Variants in MARCKS observed in about 807,000 individuals in gnomAD.
MARCKS encodes myristoylated alanine-rich C-kinase substrate.
In MARCKS, 4 loss-of-function variants were observed where a neutral mutation model predicts 6.3. The observed-to-expected ratio is 0.63, with a 90% CI of 0.31 to 1.45. The LOEUF (loss-of-function observed/expected upper bound fraction) is 1.45. Among genes scored for constraint, MARCKS ranks in the 40% most tolerant of loss-of-function variants. MARCKS has a pLI of 0.07. For missense variants in MARCKS, 636 were observed against 485.7 expected, an observed-to-expected ratio of 1.31 and a Z score of -2.91; for synonymous variants, 289 against 236.5, an observed-to-expected ratio of 1.22 and a Z score of -2.04.
rs1234428647 is a variant in MARCKS, at chr6:113,861,748, G to A, written c.*1169G>A. The stretch of plus-strand genomic sequence containing the variant: ...TTGCTATTAAACTCCTGCTTAAGGT[G>A]TTCTAATTTTCTGTGAGCACACTAA... On this transcript the variant is annotated 3_prime_UTR_variant, in exon 2 of 2. Transcript: ENST00000612661. 1 of 152,578 alleles carries A rather than the reference G, an allele frequency of 6.6e-6. No individual in the cohort carries two copies. The highest frequency in any genetic ancestry group is 1.5e-5 in the Non-Finnish European group (1 of 67,992). 9.5% of individuals were successfully genotyped at this position (152,578 alleles called of 1,614,324 possible).
rs1774870351 is a variant in MARCKS, at chr6:113,860,242, A to AGGCGGCAGCGGGCGAGGAGGG, written c.669_689dup (p.Ala224_Ala230dup). 6.5e-6 allele frequency: 7 copies of AGGCGGCAGCGGGCGAGGAGGG among 1,077,144 alleles called. No homozygotes were observed. In the Admixed American group the frequency reaches 2.8e-4, roughly 43 times the overall value. The allele number at this position is 1,077,144 out of a possible 1,614,324, so 66.7% of individuals were successfully genotyped here. On this transcript the variant is annotated inframe_insertion, in exon 2 of 2. Transcript: ENST00000612661. The stretch of plus-strand genomic sequence containing the variant: ...GAGCAGGCAGCGGCGCCGGGCGAGG[A>AGGCGGCAGCGGGCGAGGAGGG]GGCGGCAGCGGGCGAGGAGGGGGCG...
At chr6:113,859,554 G>C (rs1048668240) in intron 1 of MARCKS, 129 bp from the exon 2 acceptor site, 2 of 777,304 alleles carry the variant, frequency 2.6e-6, no homozygotes, top group African/African-American at 1.8e-5. Context: ...TCCCCACAAC[G>C]GCGGGGGTGG....
In MARCKS at chr6:113,859,979, T is replaced by G. The variant is rs976958760; in HGVS notation, c.399T>G (p.Thr133=). 5.8e-6 allele frequency: 9 copies of G among 1,544,592 alleles called. No individual in the cohort carries two copies. In the African/African-American group the frequency reaches 1.3e-4, roughly 22 times the overall value. The change falls in exon 2 of 2, where the codon ACT becomes ACG. Residue 133 remains threonine, a synonymous_variant. Coordinates refer to ENST00000612661, the MANE Select transcript of MARCKS (RefSeq NM_002356.7). The stretch of plus-strand genomic sequence containing the variant: ...AGGCCGCGTCGGCCGCCTCCTCGAC[T>G]TCTTCGCCCAAGGCCGAGGACGGGG... ...EGEAASAASS[T]SSPKAEDGAT...
rs1010163311 is a variant in MARCKS at position 113,863,421 on chromosome 6, T to C, written c.*2842T>C. 3 of 152,300 alleles carry C rather than the reference T, an allele frequency of 2.0e-5. No individual in the cohort carries two copies. The highest frequency in any genetic ancestry group is 4.4e-5 in the Non-Finnish European group (3 of 68,012). The allele number at this position is 152,300 out of a possible 1,614,324, so 9.4% of individuals were successfully genotyped here. ...TACTTCCTCTGGGTTATAATAATCA[T>C]TTGATCCAATTCCTATTGCTTGTAA... is the stretch of plus-strand genomic sequence containing the variant. On this transcript the variant is annotated 3_prime_UTR_variant, in exon 2 of 2. Transcript: ENST00000612661.
rs1048616485 is a variant in MARCKS, at chr6:113,863,177, G to A, written c.*2598G>A. The A allele has an allele frequency of 5.9e-5, 9 of 152,076 alleles. No individual in the cohort carries two copies. The highest frequency in any genetic ancestry group is 2.2e-4 in the African/African-American group (9 of 41,388). 9.4% of individuals were successfully genotyped at this position (152,076 alleles called of 1,614,324 possible). A position where few individuals can be genotyped will look rare whatever the true frequency, so the allele number is the denominator to read the frequency against. ...TTTGGGTGGTATTGATGGAGTTGGT[G>A]GATTTTCCTCCAAGTGATTAAATGA... On this transcript the variant is annotated 3_prime_UTR_variant, in exon 2 of 2. Transcript: ENST00000612661.
At position 113,860,166 on chromosome 6, in the gene MARCKS, G is replaced by C; in HGVS notation, c.586G>C (p.Ala196Pro). ...APAAEGGKDE[A>P]AGGAAAAAAE... ...CGCTGCCGAAGGCGGCAAGGACGAG[G>C]CCGCCGGGGGCGCAGCTGCGGCCGC... The change falls in exon 2 of 2, where the codon GCC becomes CCC. Residue 196 changes from alanine to proline, a missense_variant. Ala to Pro is a conservative substitution (Grantham distance 27). Coordinates refer to ENST00000612661, the MANE Select transcript of MARCKS (RefSeq NM_002356.7). 7.5e-7 allele frequency: 1 copy of C among 1,335,328 alleles called. No individual in the cohort carries two copies. The highest frequency in any genetic ancestry group is 9.7e-7 in the Non-Finnish European group (1 of 1,035,634). 82.7% of individuals were successfully genotyped at this position (1,335,328 alleles called of 1,614,324 possible).
rs1231060704 is a variant in MARCKS, at chr6:113,862,150, C to T, written c.*1571C>T. The T allele has an allele frequency of 6.6e-6, 1 of 152,052 alleles. No individual in the cohort carries two copies. The highest frequency in any genetic ancestry group is 2.4e-5 in the African/African-American group (1 of 41,412). 9.4% of individuals were successfully genotyped at this position (152,052 alleles called of 1,614,324 possible). A position where few individuals can be genotyped will look rare whatever the true frequency, so the allele number is the denominator to read the frequency against. ...GTCTTATGAGAAAATTTCATAAAGC[C>T]ATTCTCTTGTCATTCAGGTCCAGAA... On this transcript the variant is annotated 3_prime_UTR_variant, in exon 2 of 2. Coordinates refer to ENST00000612661, the MANE Select transcript of MARCKS (RefSeq NM_002356.7).
At chr6:113,858,007 G>A (rs183996000) in intron 1 of MARCKS, among the ~76,000 whole-genome samples, 160 bp downstream of exon 1, 37 of 152,294 alleles carry the variant, frequency 2.4e-4, no homozygotes, top group African/African-American at 8.7e-4. Context: ...CATAGCCGGG[G>A]TCCCCCCACA....
At position 113,860,727 on chromosome 6, in the gene MARCKS, C is replaced by A. The variant is rs1262715894; in HGVS notation, c.*148C>A. 1.8e-5 allele frequency: 9 copies of A among 490,302 alleles called. No individual in the cohort carries two copies. Among genetic ancestry groups the A allele is most frequent in the Non-Finnish European group, 3.0e-5 (9 of 300,892 alleles). The allele number at this position is 490,302 out of a possible 1,614,324, so 30.4% of individuals were successfully genotyped here. A position where few individuals can be genotyped will look rare whatever the true frequency, so the allele number is the denominator to read the frequency against. On this transcript the variant is annotated 3_prime_UTR_variant, in exon 2 of 2. Transcript: ENST00000612661. ...TTTTATTTTACTTTTTTTTAAGCAC[C>A]AAATTTTGTTGTTTTTTTTTTTTCT... is the stretch of plus-strand genomic sequence containing the variant.
chr6:113,857,837 C>A lies in MARCKS; in HGVS notation c.92C>A (p.Ala31Glu), dbSNP rs988120249. Reference sequence around the variant, plus strand: ...GCTGTGGCCTCGTCGCCTTCCAAAGCGAACGGACAGGTAAATTCTACCTGT... The same window carrying A: ...GCTGTGGCCTCGTCGCCTTCCAAAGAGAACGGACAGGTAAATTCTACCTGT... ...EAAVASSPSK[A>E]NGQENGHVKV... Residue 31 changes from alanine (A) to glutamate (E), a missense_variant, in exon 1 of 2, where the codon GCG becomes GAG. By Grantham distance (107) the Ala-to-Glu change is moderately radical. Coordinates refer to ENST00000612661, the MANE Select transcript of MARCKS (RefSeq NM_002356.7). 1.2e-6 allele frequency: 2 copies of A among 1,600,540 alleles called. No homozygotes were observed. The highest frequency in any genetic ancestry group is 1.7e-6 in the Non-Finnish European group (2 of 1,173,896).
At position 113,859,971 on chromosome 6, in the gene MARCKS, T is replaced by G; in HGVS notation, c.391T>G (p.Ser131Ala). ...GGAGGGAGAGGCCGCGTCGGCCGCC[T>G]CCTCGACTTCTTCGCCCAAGGCCGA... ...AAEGEAASAA[S>A]STSSPKAEDG... The change falls in exon 2 of 2, where the codon TCC becomes GCC. Residue 131 changes from serine to alanine, a missense_variant. Ser to Ala is a moderately conservative substitution (Grantham distance 99). Coordinates refer to ENST00000612661, the MANE Select transcript of MARCKS (RefSeq NM_002356.7). The G allele has an allele frequency of 6.5e-7, 1 of 1,534,724 alleles. No homozygotes were observed. Among genetic ancestry groups the G allele is most frequent in the Non-Finnish European group, 8.7e-7 (1 of 1,148,248 alleles).
rs1582439890 is a variant in MARCKS at position 113,859,608 on chromosome 6, C to T, written c.103-75C>T. On this transcript the variant is annotated intron_variant, in intron 1 of 1. Transcript: ENST00000612661. Reference sequence around the variant, plus strand: ...GGCCTTAGGGGGAAGCGGGGCACTCCCGGTCCAGGGCTGGGGGCGGGAATG... The same window carrying T: ...GGCCTTAGGGGGAAGCGGGGCACTCTCGGTCCAGGGCTGGGGGCGGGAATG... 6.9e-6 allele frequency: 9 copies of T among 1,301,448 alleles called. No individual in the cohort carries two copies. In the East Asian group the frequency reaches 2.6e-4, roughly 38 times the overall value. The allele number at this position is 1,301,448 out of a possible 1,614,324, so 80.6% of individuals were successfully genotyped here. A position where few individuals can be genotyped will look rare whatever the true frequency, so the allele number is the denominator to read the frequency against.
Position 113,860,738 on chromosome 6 carries a change from G to T in MARCKS, c.*159G>T, listed in dbSNP as rs1396134750. ...TTTTTTTTAAGCACCAAATTTTGTT[G>T]TTTTTTTTTTTTCTCCCCTCCCCAC... On this transcript the variant is annotated 3_prime_UTR_variant, in exon 2 of 2. Transcript: ENST00000612661. 34 of 336,528 alleles carry T rather than the reference G, an allele frequency of 1.0e-4. No homozygotes were observed. The highest frequency in any genetic ancestry group is 1.1e-4 in the Non-Finnish European group (21 of 186,974). The allele number at this position is 336,528 out of a possible 1,614,324, so 20.8% of individuals were successfully genotyped here.
Position 113,859,807 on chromosome 6 carries a change from G to GGAGCGGGGCGGCGTCGCCCTCCGC in MARCKS, c.229_252dup (p.Ser77_Ala84dup), listed in dbSNP as rs1774853281. 6.7e-6 allele frequency: 9 copies of GGAGCGGGGCGGCGTCGCCCTCCGC among 1,351,332 alleles called. No individual in the cohort carries two copies. Among genetic ancestry groups the GGAGCGGGGCGGCGTCGCCCTCCGC allele is most frequent in the Non-Finnish European group, 8.5e-6 (9 of 1,055,328 alleles). The allele number at this position is 1,351,332 out of a possible 1,614,324, so 83.7% of individuals were successfully genotyped here. A position where few individuals can be genotyped will look rare whatever the true frequency, so the allele number is the denominator to read the frequency against. ...GACAAGGAGGAGCCCGCGGCCGCCG[G>GGAGCGGGGCGGCGTCGCCCTCCGC]GAGCGGGGCGGCGTCGCCCTCCGCG... On this transcript the variant is annotated inframe_insertion, in exon 2 of 2. Coordinates refer to ENST00000612661, the MANE Select transcript of MARCKS (RefSeq NM_002356.7).
In MARCKS at chr6:113,859,820, G is replaced by A; in HGVS notation, c.240G>A (p.Ala80=). The A allele has an allele frequency of 3.8e-6, 5 of 1,302,156 alleles. No homozygotes were observed. In the South Asian group the frequency reaches 1.1e-4, roughly 29 times the overall value. The allele number at this position is 1,302,156 out of a possible 1,614,324, so 80.7% of individuals were successfully genotyped here. Residue 80 remains alanine, a synonymous_variant, in exon 2 of 2, where the codon GCG becomes GCA. Coordinates refer to ENST00000612661, the MANE Select transcript of MARCKS (RefSeq NM_002356.7). ...EEPAAAGSGA[A]SPSAAEKGEP... ...CCGCGGCCGCCGGGAGCGGGGCGGC[G>A]TCGCCCTCCGCGGCCGAGAAAGGTG... is the stretch of plus-strand genomic sequence containing the variant.
intron 1 of MARCKS, among the ~76,000 whole-genome samples, 188 bp from the exon 2 acceptor site, chr6:113,859,495 C>T (rs3734457): frequency 0.46 from 69,180 of 151,772 alleles, 16,119 homozygotes; most frequent in Admixed American, 0.61. Context: ...CAGCGGTGCC[C>T]ATTTCCTCGT....
In MARCKS at chr6:113,859,973, C is replaced by T. The variant is rs769082276; in HGVS notation, c.393C>T (p.Ser131=). 3.2e-6 allele frequency: 5 copies of T among 1,539,614 alleles called. No individual in the cohort carries two copies. The East Asian group carries it at 1.0e-4, about 31-fold the overall frequency. The change falls in exon 2 of 2, where the codon TCC becomes TCT. Residue 131 remains serine, a synonymous_variant. Transcript: ENST00000612661. The part of the protein sequence containing the change: ...AAEGEAASAA[S]STSSPKAEDG... ...AGGGAGAGGCCGCGTCGGCCGCCTC[C>T]TCGACTTCTTCGCCCAAGGCCGAGG...
chr6:113,860,227 C>T lies in MARCKS; in HGVS notation c.647C>T (p.Ala216Val). ...GGCGCGGCCTCCGGGGAGCAGGCAG[C>T]GGCGCCGGGCGAGGAGGCGGCAGCG... Reference protein sequence around the residue: ...EAGAASGEQAAAPGEEAAAGE... With the variant: ...EAGAASGEQAVAPGEEAAAGE... Residue 216 changes from alanine (A) to valine (V), a missense_variant, in exon 2 of 2, where the codon GCG (alanine) becomes GTG (valine). Transcript: ENST00000612661. The T allele has an allele frequency of 2.8e-6, 3 of 1,072,440 alleles. No homozygotes were observed. The highest frequency in any genetic ancestry group is 6.4e-5 in the East Asian group (1 of 15,746). The allele number at this position is 1,072,440 out of a possible 1,614,324, so 66.4% of individuals were successfully genotyped here. A position where few individuals can be genotyped will look rare whatever the true frequency, so the allele number is the denominator to read the frequency against.
At chr6:113,858,794 GC>G (rs774689194) in intron 1 of MARCKS, among the ~76,000 whole-genome samples, 2 of 152,240 alleles carry the variant, frequency 1.3e-5, no homozygotes, top group African/African-American at 2.4e-5. Flanking sequence ...CTGCCAAGAG[GC>G]TTTAAACCCG....
Sources: allele counts gnomAD v4.1 joint callset (sites outside exome capture counted in the v4.1 genomes callset), GRCh38; gene constraint gnomAD v4.1.1; transcripts MANE v1.5; gene names NCBI Gene and HGNC (gene_info 2026-07-23, HGNC 2026-07-21).